The following AGBL4 variants were observed in gnomAD, a reference collection of about 807,000 sequenced individuals.
The protein encoded by AGBL4 is cytosolic carboxypeptidase 6.
A neutral mutation model predicts 66.4 loss-of-function variants in AGBL4; 58 were observed. The observed-to-expected ratio is 0.87, with a 90% confidence interval of 0.71 to 1.09. The LOEUF is 1.09. Ranked by LOEUF, AGBL4 falls within the 50% of genes least tolerant of loss-of-function variation. The pLI is 0.00. For missense variants in AGBL4, 579 were observed against 631.0 expected, an observed-to-expected ratio of 0.92 and a Z score of 0.88; for synonymous variants, 234 against 222.9, an observed-to-expected ratio of 1.05 and a Z score of -0.44.
chr1:48,988,543 T>C (rs1543562), intron 5 of AGBL4, among the ~76,000 whole-genome samples: 86,546 of 151,952 alleles, frequency 0.57, 25,121 homozygotes, highest in Non-Finnish European at 0.61. Flanking sequence ...CAACTTTCTC[T>C]TAAGACAGCA....
At chr1:49,428,138 C>T (rs191378596) in intron 3 of AGBL4, among the ~76,000 whole-genome samples, 4 of 152,210 alleles carry the variant, frequency 2.6e-5, no homozygotes, top group African/African-American at 9.6e-5. Flanking sequence ...TGGCTTCACC[C>T]CTCAGTGGCA....
At chr1:49,871,218 A>C (rs1418667528) in intron 1 of AGBL4, among the ~76,000 whole-genome samples, 1 of 152,054 alleles carries the variant, frequency 6.6e-6, no homozygotes, top group Non-Finnish European at 1.5e-5. Context: ...TCTTTAATTA[A>C]AAAGCTATAA....
chr1:49,695,581 T>C (rs1646968087), intron 3 of AGBL4, among the ~76,000 whole-genome samples: 2 of 152,026 alleles, frequency 1.3e-5, no homozygotes, highest in African/African-American at 4.8e-5. Context: ...ACTGTTACTG[T>C]GAAAAACTGA....
intron 3 of AGBL4, among the ~76,000 whole-genome samples, chr1:49,376,405 C>G: frequency 6.6e-6 from 1 of 151,952 alleles, no homozygotes; most frequent in East Asian, 1.9e-4. Flanking sequence ...GATTGGAGAG[C>G]AGGAAAAGAA....
chr1:49,619,692 G>A (rs1403273515), intron 3 of AGBL4, among the ~76,000 whole-genome samples: 2 of 152,060 alleles, frequency 1.3e-5, no homozygotes, highest in Non-Finnish European at 2.9e-5. Context: ...AACAAAGCTG[G>A]AGGCATCACA....
intron 1 of AGBL4, among the ~76,000 whole-genome samples, chr1:49,875,011 T>C (rs1053012986): frequency 2.3e-5 from 3 of 129,186 alleles, no homozygotes; most frequent in African/African-American, 5.8e-5. Flanking sequence ...GAGTGTGATG[T>C]TCCCCTTCCT....
At chr1:49,972,767 T>C (rs1278930242) in intron 1 of AGBL4, among the ~76,000 whole-genome samples, 1 of 152,200 alleles carries the variant, frequency 6.6e-6, no homozygotes, top group Non-Finnish European at 1.5e-5. Flanking sequence ...ATTGTAGGTA[T>C]GTACGTAGAA....
intron 3 of AGBL4, among the ~76,000 whole-genome samples, chr1:49,636,221 G>C (rs943038268): frequency 9.9e-5 from 15 of 152,126 alleles, no homozygotes; most frequent in Admixed American, 5.2e-4. Flanking sequence ...CACAGTTCTG[G>C]GCATTGGTAA....
At chr1:48,683,215 C>G (rs1405324121) in intron 6 of AGBL4, among the ~76,000 whole-genome samples, 1 of 152,226 alleles carries the variant, frequency 6.6e-6, no homozygotes, top group Non-Finnish European at 1.5e-5. Flanking sequence ...GTTCTGCGGA[C>G]TTGTCCAACT....
At chr1:49,052,631 A>C (rs1644240609) in intron 4 of AGBL4, among the ~76,000 whole-genome samples, 1 of 152,146 alleles carries the variant, frequency 6.6e-6, no homozygotes, top group African/African-American at 2.4e-5. Flanking sequence ...TAGGTGGTAG[A>C]CCATAGCTGA....
At chr1:49,597,090 C>G (rs1468606474) in intron 3 of AGBL4, among the ~76,000 whole-genome samples, 1 of 152,168 alleles carries the variant, frequency 6.6e-6, no homozygotes, top group Non-Finnish European at 1.5e-5. Flanking sequence ...ACAATGAACA[C>G]CTAATTCCCT....
intron 9 of AGBL4, among the ~76,000 whole-genome samples, chr1:48,620,282 T>G (rs1645390242): frequency 1.3e-5 from 2 of 152,072 alleles, no homozygotes; most frequent in South Asian, 4.2e-4. Context: ...ATTTAAATAT[T>G]TTTTAAGAGA....
chr1:49,850,580 A>G (rs1366622743), intron 2 of AGBL4, among the ~76,000 whole-genome samples: 1 of 152,142 alleles, frequency 6.6e-6, no homozygotes, highest in African/African-American at 2.4e-5. Context: ...AAAGAGCAAC[A>G]CCCTGCATAA....
intron 3 of AGBL4, among the ~76,000 whole-genome samples, chr1:49,672,311 C>G (rs550614922): frequency 4.7e-5 from 7 of 148,452 alleles, no homozygotes; most frequent in Admixed American, 2.0e-4. Context: ...AAAGAAGGAA[C>G]AGGAAACAAC....
chr1:48,584,381 C>A (rs11205511), intron 11 of AGBL4: 6,424 of 152,274 alleles, frequency 0.042, 173 homozygotes, highest in South Asian at 0.081. Context: ...ACCACATCCT[C>A]CCTTCAACAA....
chr1:49,315,419 C>T (rs1240850067), intron 3 of AGBL4, among the ~76,000 whole-genome samples: 1 of 152,136 alleles, frequency 6.6e-6, no homozygotes, highest in Non-Finnish European at 1.5e-5. Flanking sequence ...TAAAGAGCTT[C>T]TGCACAGCAA....
chr1:49,708,708 T>C (rs566602965), intron 2 of AGBL4, among the ~76,000 whole-genome samples: 1 of 152,316 alleles, frequency 6.6e-6, no homozygotes, highest in Admixed American at 6.5e-5. Context: ...ATTTACTCTT[T>C]CATGTTGGTG....
chr1:49,796,451 C>T (rs920440889), intron 2 of AGBL4, among the ~76,000 whole-genome samples: 13 of 151,438 alleles, frequency 8.6e-5, no homozygotes, highest in Non-Finnish European at 1.8e-4. Flanking sequence ...ATAGGGAAAT[C>T]ACTAAATAAT....
chr1:48,708,005 T>C (rs1381796450), intron 6 of AGBL4, among the ~76,000 whole-genome samples: 2 of 152,218 alleles, frequency 1.3e-5, no homozygotes, highest in Non-Finnish European at 2.9e-5. Context: ...CATTCACTCA[T>C]TTAACCCCGT....
Sources: allele counts gnomAD v4.1 joint callset (sites outside exome capture counted in the v4.1 genomes callset), GRCh38; gene constraint gnomAD v4.1.1; transcripts MANE v1.5; gene names NCBI Gene and HGNC (gene_info 2026-07-23, HGNC 2026-07-21).